WDR88: variants seen among roughly 807,000 people sequenced by gnomAD.
The protein encoded by WDR88 is WD repeat-containing protein 88.
Under a neutral mutation model 46.8 loss-of-function variants are expected in WDR88, and 40 were observed. The ratio of observed to expected loss-of-function variants is 0.86; its 90% CI spans 0.66 to 1.11. WDR88 has a LOEUF of 1.11. Among genes scored for constraint, WDR88 ranks in the 50% most tolerant of loss-of-function variants. The pLI, the probability that WDR88 is intolerant of heterozygous loss-of-function variation, is 0.00. For missense variants in WDR88, 562 were observed against 602.4 expected (o/e 0.93, Z 0.70); for synonymous variants, 235 against 240.7 (o/e 0.98, Z 0.22).
intron 2 of WDR88, among the ~76,000 whole-genome samples, chr19:33,144,417 C>T (rs2038478832): frequency 6.6e-6 from 1 of 152,180 alleles, no homozygotes; most frequent in Non-Finnish European, 1.5e-5. Context: ...CCAGGCTGGT[C>T]TTGAACTCCT....
rs1204276375 is a variant in WDR88, at chr19:33,132,336, C to T, written c.167C>T (p.Ala56Val). The T allele has an allele frequency of 6.2e-6, 10 of 1,613,804 alleles. No homozygotes were observed. The East Asian group carries it at 2.0e-4, about 32-fold the overall frequency. Residue 56 changes from alanine (A) to valine (V), a missense_variant, in exon 1 of 11, where the codon GCC (alanine) becomes GTC (valine). By Grantham distance (64) the Ala-to-Val change is moderately conservative. Coordinates refer to ENST00000355868, the MANE Select transcript of WDR88 (RefSeq NM_173479.4). ...KLSIPHTHLL[A>V]TLDPLALDRE... is the part of the protein sequence containing the mutation. ...TCGATCCCGCACACGCACCTGCTGG[C>T]CACCCTCGACCCCCTGGCCTTGGAC...
At chr19:33,160,392 A>G (rs1411958798) in intron 7 of WDR88, 22 bp from the exon 8 acceptor site, 1 of 1,613,510 alleles carries the variant, frequency 6.2e-7, no homozygotes, top group Non-Finnish European at 8.5e-7. Flanking sequence ...CCCCATCTCC[A>G]CCCTTTCATT....
intron 2 of WDR88, among the ~76,000 whole-genome samples, chr19:33,141,027 C>T (rs1172276270): frequency 6.7e-6 from 1 of 150,194 alleles, no homozygotes; most frequent in Non-Finnish European, 1.5e-5. Context: ...CCTTTTACCT[C>T]CTGGGCTAAA....
chr19:33,144,004 G>A (rs1973456762), intron 2 of WDR88, among the ~76,000 whole-genome samples: 2 of 152,112 alleles, frequency 1.3e-5, no homozygotes, highest in African/African-American at 4.8e-5. Context: ...GGATGGGGTC[G>A]TGCTTCTAAA....
chr19:33,139,857 G>A (rs1226714325), intron 2 of WDR88, among the ~76,000 whole-genome samples: 2 of 152,148 alleles, frequency 1.3e-5, no homozygotes, highest in Non-Finnish European at 2.9e-5. Flanking sequence ...TCTGTGCCAA[G>A]GGCATGACAA....
In WDR88 at chr19:33,161,002, G is replaced by A. The variant is rs763166163; in HGVS notation, c.1080+506G>A. On this transcript the variant is annotated intron_variant, in intron 8 of 10. Coordinates refer to ENST00000355868, the MANE Select transcript of WDR88 (RefSeq NM_173479.4). ...GCCTGGCCAACATGGTGAAACCCCC[G>A]TCTCTACTAAAAATACAAAAATCAG... 1.1e-3 allele frequency among the ~76,000 whole-genome samples: 170 copies of A among 151,546 alleles called. No homozygotes were observed. The East Asian group carries it at 0.024, about 21-fold the overall frequency.
chr19:33,142,881 G>GAAA (rs1973429136), intron 2 of WDR88: 1 of 69,986 alleles, frequency 1.4e-5, no homozygotes, highest in African/African-American at 6.6e-5. Context: ...AAAAAAAAAA[G>GAAA]GCCGGGGGGC....
intron 6 of WDR88, among the ~76,000 whole-genome samples, chr19:33,153,128 G>A (rs961104898): frequency 6.6e-6 from 1 of 151,978 alleles, no homozygotes; most frequent in African/African-American, 2.4e-5. Flanking sequence ...ATAGCTCACT[G>A]GAGCCTCGGA....
intron 9 of WDR88, among the ~76,000 whole-genome samples, chr19:33,164,894 G>A (rs530683687): frequency 3.2e-4 from 48 of 152,016 alleles, no homozygotes; most frequent in Admixed American, 7.9e-4. Context: ...AATATATTAT[G>A]AAATAATTAT....
rs577421062 is a variant in WDR88, at chr19:33,144,515, G to A, written c.388-329G>A. ...GCGCCCGGCCTGGAAGATATTGCTA[G>A]ATTCTGCAAAGACTTTTTGGCCAGT... On this transcript the variant is annotated intron_variant, in intron 2 of 10. Transcript: ENST00000355868. Among the ~76,000 whole-genome samples the A allele has an allele frequency of 4.6e-5, 7 of 152,220 alleles. No individual in the cohort carries two copies. In the South Asian group the frequency reaches 1.5e-3, roughly 32 times the overall value.
At chr19:33,162,601 A>G (rs1843858058) in intron 8 of WDR88, among the ~76,000 whole-genome samples, 1 of 152,122 alleles carries the variant, frequency 6.6e-6, no homozygotes, top group African/African-American at 2.4e-5. Context: ...ATTGGAAGCG[A>G]AAAGCCCCCT....
chr19:33,132,571 G>A, intron 1 of WDR88, 126 bp downstream of exon 1: 2 of 1,388,240 alleles, frequency 1.4e-6, no homozygotes, highest in Admixed American at 2.4e-5. Flanking sequence ...GAGGCCCTAG[G>A]CCCATTTCCC....
At chr19:33,168,603 G>A (rs955254721) in intron 9 of WDR88, among the ~76,000 whole-genome samples, 2 of 152,140 alleles carry the variant, frequency 1.3e-5, no homozygotes, top group African/African-American at 4.8e-5. Flanking sequence ...ATTGCTGAAA[G>A]AAATTAAAGA....
At chr19:33,171,048 C>T (rs1209106811) in intron 9 of WDR88, among the ~76,000 whole-genome samples, 1 of 152,020 alleles carries the variant, frequency 6.6e-6, no homozygotes, top group Non-Finnish European at 1.5e-5. Context: ...TGCAATGGTG[C>T]GATCTCGGCT....
At position 33,156,348 on chromosome 19, in the gene WDR88, GT is replaced by G; in HGVS notation, c.810-4del. 1.2e-6 allele frequency: 2 copies of G among 1,613,492 alleles called. No homozygotes were observed. The highest frequency in any genetic ancestry group is 1.7e-6 in the Non-Finnish European group (2 of 1,179,724). Reference sequence around the variant, plus strand: ...CTAATGTGTGCACCCCACCATCTGTGTTTCAGGGCACATTCCAATGCAATCT... The same window carrying G: ...CTAATGTGTGCACCCCACCATCTGTGTTCAGGGCACATTCCAATGCAATCT... On this transcript the variant is annotated splice_region_variant and splice_polypyrimidine_tract_variant and intron_variant, in intron 6 of 10. Transcript: ENST00000355868.
chr19:33,155,761 G>A (rs1973722311), intron 6 of WDR88, among the ~76,000 whole-genome samples: 3 of 152,170 alleles, frequency 2.0e-5, no homozygotes. Context: ...CCAAATGAGG[G>A]CAATTTGTGC....
At chr19:33,143,227 C>A (rs757535748) in intron 2 of WDR88, among the ~76,000 whole-genome samples, 1 of 148,900 alleles carries the variant, frequency 6.7e-6, no homozygotes, top group Admixed American at 6.8e-5. Flanking sequence ...CCCAGCTACT[C>A]GGGAAGTTGA....
chr19:33,151,159 C>T, intron 5 of WDR88, 22 bp from the exon 6 acceptor site: 1 of 1,609,034 alleles, frequency 6.2e-7, no homozygotes, highest in Non-Finnish European at 8.5e-7. Flanking sequence ...GGTCTCAAGT[C>T]CCTTTCCTCC....
chr19:33,157,687 G>GTA (rs1173664875), intron 7 of WDR88, among the ~76,000 whole-genome samples: 1 of 3,384 alleles, frequency 3.0e-4, no homozygotes, highest in East Asian at 2.1e-3. Context: ...GTGTATGTAT[G>GTA]TATATATATA....
Sources: gnomAD v4.1 joint callset for allele counts (sites outside exome capture counted in the v4.1 genomes callset) on GRCh38, gnomAD v4.1.1 for gene constraint, MANE v1.5 for transcripts, NCBI Gene and HGNC (gene_info 2026-07-23, HGNC 2026-07-21) for gene names.